The following CSMD1 variants were observed in gnomAD, a reference collection of about 807,000 sequenced individuals.
The protein encoded by CSMD1 is CUB and sushi domain-containing protein 1.
CSMD1 carries 213 observed loss-of-function variants against 417.5 expected under a neutral mutation model. That is an observed-to-expected ratio of 0.51 (90% CI 0.46 to 0.57). CSMD1 has a LOEUF of 0.57. Ranked by LOEUF, CSMD1 falls within the 20% of genes least tolerant of loss-of-function variation. The pLI is 0.00. For synonymous variants in CSMD1, 2,862 were observed against 1,736.8 expected, an observed-to-expected ratio of 1.65 and a Z score of -16.11; for missense variants, 6,923 against 4,529.7, an observed-to-expected ratio of 1.53 and a Z score of -15.17.
chr8:4,038,192 A>T (rs994114680), intron 3 of CSMD1, among the ~76,000 whole-genome samples: 1 of 152,174 alleles, frequency 6.6e-6, no homozygotes. Flanking sequence ...TTTTATCTTC[A>T]ACAAATTTTC....
At chr8:4,116,379 T>G (rs184965645) in intron 3 of CSMD1, among the ~76,000 whole-genome samples, 4 of 152,228 alleles carry the variant, frequency 2.6e-5, no homozygotes, top group African/African-American at 7.2e-5. Context: ...TCCAAACCCA[T>G]GGAATATACC....
intron 1 of CSMD1, among the ~76,000 whole-genome samples, chr8:4,859,775 G>A (rs929666080): frequency 6.6e-6 from 1 of 152,002 alleles, no homozygotes; most frequent in Admixed American, 6.6e-5. Context: ...TGCTGGAGAG[G>A]ATGTGGAGAA....
intron 2 of CSMD1, among the ~76,000 whole-genome samples, chr8:4,539,856 G>A (rs1419283456): frequency 6.6e-6 from 1 of 151,998 alleles, no homozygotes; most frequent in Non-Finnish European, 1.5e-5. Flanking sequence ...CTCTTTTCTG[G>A]GTCACCTTCT....
intron 3 of CSMD1, among the ~76,000 whole-genome samples, chr8:4,413,193 C>A (rs1796742709): frequency 6.6e-6 from 1 of 152,110 alleles, no homozygotes; most frequent in Non-Finnish European, 1.5e-5. Context: ...TCACAAACAT[C>A]CCAGGGAGGG....
chr8:3,865,955 A>G (rs560474070), intron 5 of CSMD1, among the ~76,000 whole-genome samples: 1 of 152,212 alleles, frequency 6.6e-6, no homozygotes, highest in Non-Finnish European at 1.5e-5. Context: ...TGGGAATGTA[A>G]TTAAAATAAT....
In CSMD1 at chr8:3,812,236, A is replaced by G. The variant is rs191149994; in HGVS notation, c.819-58194T>C. On this transcript the variant is annotated intron_variant, in intron 5 of 69. Transcript: ENST00000635120. The stretch of plus-strand genomic sequence containing the variant: ...CGTTTGTACTCAAAAGATACAGGAA[A>G]GGGAACTTCACAAAATAAATAAAAT... Among the ~76,000 whole-genome samples, 277 of 152,308 alleles carry G rather than the reference A, an allele frequency of 1.8e-3. 1 individual carries two copies. The East Asian group carries it at 0.018, about 10-fold the overall frequency.
At chr8:3,527,726 G>T (rs900275943) in intron 10 of CSMD1, among the ~76,000 whole-genome samples, 2 of 152,140 alleles carry the variant, frequency 1.3e-5, no homozygotes, top group African/African-American at 2.4e-5. Context: ...GGTGGGAGGG[G>T]TGGGTGAAAC....
At chr8:4,270,186 G>C (rs1174620055) in intron 3 of CSMD1, among the ~76,000 whole-genome samples, 1 of 152,198 alleles carries the variant, frequency 6.6e-6, no homozygotes, top group Non-Finnish European at 1.5e-5. Flanking sequence ...TTAGAAAGGA[G>C]TTGACATAGC....
intron 6 of CSMD1, among the ~76,000 whole-genome samples, chr8:3,715,625 C>A (rs1801787235): frequency 6.6e-6 from 1 of 152,178 alleles, no homozygotes. Flanking sequence ...TCACTGCAAC[C>A]TCCACCTCCC....
At chr8:3,833,334 G>T (rs68057038) in intron 5 of CSMD1, among the ~76,000 whole-genome samples, 27,932 of 151,938 alleles carry the variant, frequency 0.18, 2,908 homozygotes, top group Middle Eastern at 0.27. Context: ...ATTATTCTAA[G>T]CCTCTGGGCC....
chr8:3,301,300 G>C (rs981753655), intron 25 of CSMD1, among the ~76,000 whole-genome samples: 8 of 152,124 alleles, frequency 5.3e-5, no homozygotes, highest in African/African-American at 9.7e-5. Flanking sequence ...CCCAGCGAAG[G>C]AACCAGGTGG....
chr8:4,981,624 C>T (rs1164137956), intron 1 of CSMD1, among the ~76,000 whole-genome samples: 1 of 152,162 alleles, frequency 6.6e-6, no homozygotes, highest in Non-Finnish European at 1.5e-5. Context: ...TTGCTAAGCT[C>T]TTTGCTGACT....
At position 4,581,363 on chromosome 8, in the gene CSMD1, G is replaced by T. The variant is rs906132059; in HGVS notation, c.302+55979C>A. Among the ~76,000 whole-genome samples the T allele has an allele frequency of 2.8e-4, 43 of 152,050 alleles. 1 individual carries two copies. The highest frequency in any genetic ancestry group is 2.8e-3 in the Admixed American group (42 of 15,268). On this transcript the variant is annotated intron_variant, in intron 2 of 69. Transcript: ENST00000635120. ...CTTTAATTAAATCTTACTACCTCTC[G>T]ATATACTGTACATTTTTAACTTATA...
chr8:4,451,216 A>C (rs1799124847), intron 2 of CSMD1, among the ~76,000 whole-genome samples: 1 of 152,154 alleles, frequency 6.6e-6, no homozygotes, highest in Non-Finnish European at 1.5e-5. Flanking sequence ...CTGTAGTCTC[A>C]ACTACTTGGG....
At chr8:4,400,334 G>T (rs373421748) in intron 3 of CSMD1, among the ~76,000 whole-genome samples, 2 of 152,206 alleles carry the variant, frequency 1.3e-5, no homozygotes, top group Non-Finnish European at 2.9e-5. Context: ...AAACTGTTTT[G>T]TGTGTGTTAT....
chr8:4,486,122 C>CAT (rs549034961), intron 2 of CSMD1, among the ~76,000 whole-genome samples: 7 of 126,950 alleles, frequency 5.5e-5, no homozygotes, highest in East Asian at 2.2e-4. Context: ...TATATACATA[C>CAT]ATATATATAT....
intron 1 of CSMD1, among the ~76,000 whole-genome samples, chr8:4,839,209 C>G (rs768773521): frequency 2.0e-5 from 3 of 152,168 alleles, no homozygotes; most frequent in African/African-American, 4.8e-5. Flanking sequence ...ATGAGTCACT[C>G]TGAATATGCA....
intron 7 of CSMD1, among the ~76,000 whole-genome samples, chr8:3,646,509 C>T (rs1013136162): frequency 1.3e-5 from 2 of 152,052 alleles, no homozygotes; most frequent in Non-Finnish European, 1.5e-5. Context: ...AAAAATCTGG[C>T]GGTGTCATCT....
intron 5 of CSMD1, among the ~76,000 whole-genome samples, chr8:3,824,210 T>C (rs952619064): frequency 7.3e-5 from 11 of 151,674 alleles, no homozygotes; most frequent in African/African-American, 1.2e-4. Context: ...CCTGACAGAG[T>C]TGTTGATTTA....
Sources: gnomAD v4.1 joint callset for allele counts (sites outside exome capture counted in the v4.1 genomes callset) on GRCh38, gnomAD v4.1.1 for gene constraint, MANE v1.5 for transcripts, NCBI Gene and HGNC (gene_info 2026-07-23, HGNC 2026-07-21) for gene names.